The following FBF1 variants were observed in gnomAD, a reference collection of about 807,000 sequenced individuals.
FBF1 encodes Fas binding factor 1.
In FBF1, 119 loss-of-function variants were observed where a neutral mutation model predicts 147.2. The observed-to-expected ratio is 0.81, with a 90% confidence interval of 0.70 to 0.94. The LOEUF (loss-of-function observed/expected upper bound fraction) is 0.94. FBF1 is among the 40% of genes least tolerant of loss of function. FBF1 has a pLI of 0.00. For synonymous variants in FBF1, 601 were observed against 609.0 expected, an observed-to-expected ratio of 0.99 and a Z score of 0.19; for missense variants, 1,449 against 1,500.8, an observed-to-expected ratio of 0.97 and a Z score of 0.57.
chr17:75,921,536 G>A lies in FBF1; in HGVS notation c.1551C>T (p.Ala517=), dbSNP rs562166189. The A allele has an allele frequency of 2.2e-5, 36 of 1,612,912 alleles. No individual in the cohort carries two copies. In the East Asian group the frequency reaches 2.7e-4, roughly 12 times the overall value. Residue 517 remains alanine, a synonymous_variant, in exon 16 of 30, where the codon GCC becomes GCT. Transcript: ENST00000636174. The part of the protein sequence containing the change: ...VSGSPVTQNH[A]ASALPTGSPK... ...GGGAACCTGTAGGGAGTGCTGAGGC[G>A]GCATGGTTCTGAGTCACAGGGGACC...
Position 75,926,817 on chromosome 17 carries a change from G to A in FBF1, c.536C>T (p.Pro179Leu), listed in dbSNP as rs752027251. The change falls in exon 10 of 30, where the codon CCG (proline) becomes CTG (leucine). Residue 179 changes from proline (P) to leucine (L), a missense_variant. Pro to Leu is a moderately conservative substitution (Grantham distance 98, BLOSUM62 -3). Coordinates refer to ENST00000636174, the MANE Select transcript of FBF1 (RefSeq NM_001319193.2). Reference protein sequence around the residue: ...SYDEGGITKQPPVTQSKTASD... With the variant: ...SYDEGGITKQLPVTQSKTASD... ...AGCTGTTTTACTCTGTGTCACAGGC[G>A]GCTGCTTGGTGATTCCTCCTTCATC... 9.3e-6 allele frequency: 15 copies of A among 1,613,834 alleles called. No individual in the cohort carries two copies. The highest frequency in any genetic ancestry group is 3.3e-4 in the Middle Eastern group (2 of 6,060).
chr17:75,923,395 G>T lies in FBF1; in HGVS notation c.1215C>A (p.Pro405=), dbSNP rs369138477. The T allele has an allele frequency of 3.1e-6, 5 of 1,607,098 alleles. No individual in the cohort carries two copies. The highest frequency in any genetic ancestry group is 2.7e-5 in the African/African-American group (2 of 74,836). ...CTTCAGTTGGTGGCTTTGCCCTGGA[G>T]GGGGGCAGCCCAGCTGGCGTGGAGT... ...SQHSTPAGLP[P]SRAKPPTEGA... is the part of the protein sequence containing the mutation. Residue 405 remains proline (P), a synonymous_variant, in exon 14 of 30, where the codon CCC becomes CCA. Transcript: ENST00000636174. The surrounding 1 kb of genome is among the most constrained non-coding windows in gnomAD (Gnocchi z 4.1).
intron 3 of FBF1, 107 bp downstream of exon 3, chr17:75,937,459 C>G: frequency 7.5e-7 from 1 of 1,339,040 alleles, no homozygotes; most frequent in Non-Finnish European, 1.1e-6. Context: ...TGTGAGCCAC[C>G]GTGCCCGGCC....
rs2065453175 is a variant in FBF1, at chr17:75,910,883, A to G, written c.3364-77T>C. ...TGGAGCCCTGGATGCTAGCTGAGCC[A>G]GCCGTCACTGAGGCCCCTCCCCACA... On this transcript the variant is annotated intron_variant, in intron 29 of 29. Coordinates refer to ENST00000636174, the MANE Select transcript of FBF1 (RefSeq NM_001319193.2). The surrounding 1 kb of genome is among the most constrained non-coding windows in gnomAD (Gnocchi z 4.1). The G allele has an allele frequency of 7.7e-7, 1 of 1,291,306 alleles. No homozygotes were observed. The highest frequency in any genetic ancestry group is 1.5e-5 in the African/African-American group (1 of 68,020). 80.0% of individuals were successfully genotyped at this position (1,291,306 alleles called of 1,614,324 possible).
intron 1 of FBF1, chr17:75,939,673 G>C (rs921604524): frequency 1.3e-5 from 2 of 152,148 alleles, no homozygotes; most frequent in Non-Finnish European, 2.9e-5. Context: ...TGGGATTACA[G>C]GTGTGAGCCA....
rs1413064340 is a variant in FBF1, at chr17:75,918,414, C to G, written c.2139-145G>C. On this transcript the variant is annotated intron_variant, in intron 20 of 29. Transcript: ENST00000636174. This position sits in a 1 kb window ranked among gnomAD's most constrained non-coding sequence, Gnocchi z 5.8. ...CACTGCCTCAGTTTCCCCAGCTCCT[C>G]TGTCTTATCTGTCATGGTGCCTCAA... is the stretch of plus-strand genomic sequence containing the variant. 3 of 622,334 alleles carry G rather than the reference C, an allele frequency of 4.8e-6. No homozygotes were observed. Among genetic ancestry groups the G allele is most frequent in the Non-Finnish European group, 5.6e-6 (2 of 356,530 alleles). 38.6% of individuals were successfully genotyped at this position (622,334 alleles called of 1,614,324 possible). A position where few individuals can be genotyped will look rare whatever the true frequency, so the allele number is the denominator to read the frequency against.
At chr17:75,933,838 T>C (rs2065608368) in intron 4 of FBF1, among the ~76,000 whole-genome samples, 1 of 152,106 alleles carries the variant, frequency 6.6e-6, no homozygotes, top group Admixed American at 6.6e-5. Context: ...ATTAGGGAAA[T>C]GCACATCAAA....
At chr17:75,913,053 A>T (rs2065464863) in intron 28 of FBF1, among the ~76,000 whole-genome samples, 1 of 151,066 alleles carries the variant, frequency 6.6e-6, no homozygotes, top group Non-Finnish European at 1.5e-5. Context: ...AAAAGAAAAG[A>T]AAAAAAAAGT....
intron 15 of FBF1, 48 bp from the exon 16 acceptor site, chr17:75,921,608 C>G (rs369275591): frequency 1.3e-5 from 9 of 706,920 alleles, no homozygotes; most frequent in Non-Finnish European, 1.9e-5. Context: ...GTGTGGGACA[C>G]GGGGACGGGG....
rs770676010 is a variant in FBF1 at position 75,915,043 on chromosome 17, C to A, written c.2602G>T (p.Glu868Ter). The change falls in exon 24 of 30, where the codon GAA becomes TAA. Residue 868 changes from glutamate (E) to a stop codon, truncating the protein, a stop_gained. Coordinates refer to ENST00000636174, the MANE Select transcript of FBF1 (RefSeq NM_001319193.2). LOFTEE classifies it high-confidence loss of function. Reference protein sequence around the residue: ...RKVTAQQMAMERAELERAKSA... With the variant: ...RKVTAQQMAM ...TTGGCCCGTTCCAGCTCCGCCCTTT[C>A]CATGGCCATCTGCTGGGCCGTGACC... The A allele has an allele frequency of 6.2e-7, 1 of 1,613,614 alleles. No homozygotes were observed. The highest frequency in any genetic ancestry group is 8.5e-7 in the Non-Finnish European group (1 of 1,179,866).
In FBF1 at chr17:75,912,767, G is replaced by A. The variant is rs182732806; in HGVS notation, c.3248-460C>T. ...TTTAAAAACATGTACCAGGCTGGGC[G>A]CGTTGGCTCATGCCTGTAATCCCAG... On this transcript the variant is annotated intron_variant, in intron 28 of 29. Coordinates refer to ENST00000636174, the MANE Select transcript of FBF1 (RefSeq NM_001319193.2). Among the ~76,000 whole-genome samples the A allele has an allele frequency of 5.9e-5, 9 of 152,286 alleles. No individual in the cohort carries two copies. In the East Asian group the frequency reaches 9.7e-4, roughly 16 times the overall value.
Position 75,923,189 on chromosome 17 carries a change from C to T in FBF1, c.1421G>A (p.Gly474Asp), listed in dbSNP as rs758336211. The T allele has an allele frequency of 6.3e-6, 10 of 1,578,514 alleles. No homozygotes were observed. In the South Asian group the frequency reaches 1.0e-4, roughly 16 times the overall value. ...CCACAGCAGCCTAAGTCAGTACCTG[C>T]CAGAAGGGGGATGGCCCGCTGTCCC... ...LAGTAGHPPSGSQPLTSTQGL... is the reference protein window; with the variant it reads ...LAGTAGHPPSDSQPLTSTQGL... Residue 474 changes from glycine to aspartate, a missense_variant, in exon 14 of 30, where the codon GGC (glycine) becomes GAC (aspartate). By Grantham distance (94) the Gly-to-Asp change is moderately conservative. Transcript: ENST00000636174. The surrounding 1 kb of genome is among the most constrained non-coding windows in gnomAD (Gnocchi z 4.1).
intron 29 of FBF1, among the ~76,000 whole-genome samples, chr17:75,911,089 C>T (rs2065454290): frequency 6.6e-6 from 1 of 152,148 alleles, no homozygotes; most frequent in African/African-American, 2.4e-5. Flanking sequence ...CCTTGTAGCC[C>T]TTCCTTGCAG....
At position 75,928,197 on chromosome 17, in the gene FBF1, G is replaced by C. The variant is rs1166246269; in HGVS notation, c.280-4C>G. On this transcript the variant is annotated splice_region_variant and splice_polypyrimidine_tract_variant and intron_variant, in intron 7 of 29. Coordinates refer to ENST00000636174, the MANE Select transcript of FBF1 (RefSeq NM_001319193.2). This position sits in a 1 kb window ranked among gnomAD's most constrained non-coding sequence, Gnocchi z 4.2. Reference sequence around the variant, plus strand: ...CAGCATCCATGCCGTCCAGGTCCTAGAAAACCAGGGAGGGAGGGCAGAGGA... The same window carrying C: ...CAGCATCCATGCCGTCCAGGTCCTACAAAACCAGGGAGGGAGGGCAGAGGA... 16 of 1,613,102 alleles carry C rather than the reference G, an allele frequency of 9.9e-6. No homozygotes were observed. Among genetic ancestry groups the C allele is most frequent in the Non-Finnish European group, 1.4e-5 (16 of 1,179,300 alleles).
In FBF1 at chr17:75,923,613, G is replaced by A. The variant is rs2144174135; in HGVS notation, c.997C>T (p.Pro333Ser). ...SRFFADSGAD[P>S]KGEPGSKQSP... ...TGTTTGGAGCCTGGTTCTCCCTTGG[G>A]GTCTGCGCCACTGTCTGCGAAGAAC... Residue 333 changes from proline to serine, a missense_variant, in exon 14 of 30, where the codon CCC becomes TCC. By Grantham distance (74) the Pro-to-Ser change is moderately conservative. Coordinates refer to ENST00000636174, the MANE Select transcript of FBF1 (RefSeq NM_001319193.2). This position sits in a 1 kb window ranked among gnomAD's most constrained non-coding sequence, Gnocchi z 4.1. 1 of 1,609,344 alleles carries A rather than the reference G, an allele frequency of 6.2e-7. No individual in the cohort carries two copies. Among genetic ancestry groups the A allele is most frequent in the Non-Finnish European group, 8.5e-7 (1 of 1,178,252 alleles).
chr17:75,930,152 G>C, intron 6 of FBF1, 105 bp from the exon 7 acceptor site: 1 of 837,346 alleles, frequency 1.2e-6, no homozygotes, highest in Non-Finnish European at 2.0e-6. Flanking sequence ...CAGACGGCGC[G>C]GCAGGAGCAG....
At chr17:75,939,295 CAAAAAAAAAAA>C (rs56272719) in intron 1 of FBF1, among the ~76,000 whole-genome samples, 6 of 82,978 alleles carry the variant, frequency 7.2e-5, no homozygotes, top group Admixed American at 5.5e-4. Flanking sequence ...ACTCTGTCTC[CAAAAAAAAAAA>C]AAAAAAAAAA....
At position 75,928,112 on chromosome 17, in the gene FBF1, C is replaced by A. The variant is rs543295413; in HGVS notation, c.361G>T (p.Gly121Trp). Residue 121 changes from glycine (G) to tryptophan (W), a missense_variant, in exon 8 of 30, where the codon GGG becomes TGG. Physicochemically the swap from Gly to Trp is radical, Grantham distance 184 (BLOSUM62 -2). Transcript: ENST00000636174. This position sits in a 1 kb window ranked among gnomAD's most constrained non-coding sequence, Gnocchi z 4.2. ...APSKKAAKDPGKGELPNHPKP... is the reference protein window; with the variant it reads ...APSKKAAKDPWKGELPNHPKP... ...GGGTGGTTGGGCAGCTCTCCTTTCCCAGGGTCCTTTGCAGCTTTTTTGCTA... is the reference window on the plus strand; with the variant it reads ...GGGTGGTTGGGCAGCTCTCCTTTCCAAGGGTCCTTTGCAGCTTTTTTGCTA... The A allele has an allele frequency of 6.2e-7, 1 of 1,613,778 alleles. No homozygotes were observed. Among genetic ancestry groups the A allele is most frequent in the South Asian group, 1.1e-5 (1 of 91,072 alleles).
intron 7 of FBF1, among the ~76,000 whole-genome samples, chr17:75,929,298 T>G (rs2065580511): frequency 6.6e-6 from 1 of 151,818 alleles, no homozygotes; most frequent in African/African-American, 2.4e-5. Context: ...ACCACTGCAC[T>G]CCAGCCTGGG....
Sources: gnomAD v4.1 joint callset for allele counts (sites outside exome capture counted in the v4.1 genomes callset) on GRCh38, gnomAD v4.1.1 for gene constraint, Gnocchi (gnomAD v3.1) non-coding constraint, MANE v1.5 for transcripts, NCBI Gene and HGNC (gene_info 2026-07-23, HGNC 2026-07-21) for gene names.